The following MAML3 variants were observed in gnomAD, a reference collection of about 807,000 sequenced individuals.
MAML3 encodes the protein mastermind-like protein 3.
A neutral mutation model predicts 101.9 loss-of-function variants in MAML3; 27 were observed. The ratio of observed to expected loss-of-function variants is 0.27; its 90% CI spans 0.20 to 0.37. The LOEUF (loss-of-function observed/expected upper bound fraction) is 0.37. MAML3 is among the 10% of genes least tolerant of loss of function. MAML3 has a pLI of 1.00. For synonymous variants in MAML3, 501 were observed against 555.9 expected (o/e 0.90, Z 1.39); for missense variants, 1,316 against 1,444.9 (o/e 0.91, Z 1.45).
intron 1 of MAML3, among the ~76,000 whole-genome samples, chr4:140,072,751 G>C (rs1727682840): frequency 6.6e-6 from 1 of 152,014 alleles, no homozygotes; most frequent in Non-Finnish European, 1.5e-5. Flanking sequence ...AGGGACTTTA[G>C]CATCCCTGGA....
intron 1 of MAML3, 78 bp downstream of exon 1, chr4:140,152,782 G>C (rs899805478): frequency 1.3e-6 from 2 of 1,551,338 alleles, no homozygotes; most frequent in Non-Finnish European, 1.7e-6. Flanking sequence ...GTACCCCCAT[G>C]TAAGAAGCTC....
chr4:139,874,031 A>T (rs1732062987), intron 2 of MAML3, among the ~76,000 whole-genome samples: 1 of 152,250 alleles, frequency 6.6e-6, no homozygotes, highest in Non-Finnish European at 1.5e-5. Flanking sequence ...ATTTTGGAAT[A>T]TGTGTTTACC....
chr4:140,043,908 T>C (rs1258353051), intron 1 of MAML3, among the ~76,000 whole-genome samples: 2 of 152,304 alleles, frequency 1.3e-5, no homozygotes, highest in South Asian at 4.1e-4. Flanking sequence ...TCACTGTTAA[T>C]ACCAGGAAAA....
intron 2 of MAML3, among the ~76,000 whole-genome samples, chr4:139,780,737 T>C (rs1417490903): frequency 6.6e-6 from 1 of 151,820 alleles, no homozygotes; most frequent in African/African-American, 2.4e-5. Context: ...TTCAAGTGAT[T>C]ATCATGTCTC....
chr4:139,732,576 ATTT>A (rs5862431), intron 2 of MAML3, among the ~76,000 whole-genome samples: 5 of 146,010 alleles, frequency 3.4e-5, no homozygotes, highest in Non-Finnish European at 4.5e-5. Flanking sequence ...CTAGAACGCT[ATTT>A]TTTTTTTTTT....
chr4:140,065,088 T>C (rs186661442), intron 1 of MAML3, among the ~76,000 whole-genome samples: 1 of 152,344 alleles, frequency 6.6e-6, no homozygotes, highest in East Asian at 1.9e-4. Context: ...GTAAAGTCAC[T>C]TGTGGGGTAA....
intron 1 of MAML3, among the ~76,000 whole-genome samples, chr4:139,978,156 C>T (rs928325976): frequency 1.3e-5 from 2 of 152,042 alleles, no homozygotes; most frequent in African/African-American, 2.4e-5. Flanking sequence ...CTCCTTGACT[C>T]GGAAGCAAAT....
In MAML3 at chr4:139,730,805, C is replaced by T; in HGVS notation, c.2080-138G>A. ...GAGGGTTTTTGAGTGGCACGCATTG[C>T]ATTTCCATAAACGTAGCTTCAAACC... On this transcript the variant is annotated intron_variant, in intron 2 of 4. Coordinates refer to ENST00000509479, the MANE Select transcript of MAML3 (RefSeq NM_018717.5). 1.1e-5 allele frequency: 8 copies of T among 738,474 alleles called. No individual in the cohort carries two copies. In the South Asian group the frequency reaches 1.5e-4, roughly 14 times the overall value. The allele number at this position is 738,474 out of a possible 1,614,324, so 45.7% of individuals were successfully genotyped here.
chr4:139,818,446 TA>T (rs1578615566), intron 2 of MAML3, among the ~76,000 whole-genome samples: 1 of 152,252 alleles, frequency 6.6e-6, no homozygotes, highest in Admixed American at 6.5e-5. Flanking sequence ...AAATATTTGC[TA>T]AAGCAGGACT....
At chr4:139,857,029 G>A (rs1229684269) in intron 2 of MAML3, among the ~76,000 whole-genome samples, 1 of 152,122 alleles carries the variant, frequency 6.6e-6, no homozygotes, top group Non-Finnish European at 1.5e-5. Context: ...ATTAGCATAG[G>A]CATAATGAAG....
intron 1 of MAML3, among the ~76,000 whole-genome samples, chr4:139,900,117 T>C (rs555383591): frequency 2.0e-5 from 3 of 152,344 alleles, no homozygotes; most frequent in African/African-American, 7.2e-5. Flanking sequence ...GAGGTTATTT[T>C]TAGAAATGAC....
At chr4:140,046,110 A>G (rs1177854382) in intron 1 of MAML3, among the ~76,000 whole-genome samples, 1 of 152,226 alleles carries the variant, frequency 6.6e-6, no homozygotes, top group African/African-American at 2.4e-5. Flanking sequence ...TTTCAGGCAC[A>G]TGGAAGAGCT....
At chr4:140,060,258 C>A (rs1267945521) in intron 1 of MAML3, among the ~76,000 whole-genome samples, 2 of 150,436 alleles carry the variant, frequency 1.3e-5, no homozygotes, top group Admixed American at 1.3e-4. Context: ...CCCAGCTACT[C>A]AGGAGGCTGA....
chr4:139,843,418 T>A (rs767789268), intron 2 of MAML3, among the ~76,000 whole-genome samples: 6 of 152,132 alleles, frequency 3.9e-5, no homozygotes, highest in Non-Finnish European at 7.4e-5. Context: ...TACTACCTAG[T>A]CCCAATACAG....
At position 139,967,598 on chromosome 4, in the gene MAML3, C is replaced by T. The variant is rs548507224; in HGVS notation, c.469-76631G>A. 4.6e-5 allele frequency among the ~76,000 whole-genome samples: 7 copies of T among 152,010 alleles called. No homozygotes were observed. The East Asian group carries it at 1.4e-3, about 29-fold the overall frequency. The stretch of plus-strand genomic sequence containing the variant: ...CATAAGGCGGTGAGAGAGAGTGTGC[C>T]TCTCCTGCCAGGCCTGAAGAGTTCT... On this transcript the variant is annotated intron_variant, in intron 1 of 4. Coordinates refer to ENST00000509479, the MANE Select transcript of MAML3 (RefSeq NM_018717.5).
At chr4:140,140,376 C>T (rs1411053211) in intron 1 of MAML3, among the ~76,000 whole-genome samples, 1 of 151,960 alleles carries the variant, frequency 6.6e-6, no homozygotes, top group Non-Finnish European at 1.5e-5. Flanking sequence ...CTTAATTTAT[C>T]ATACTGGATG....
intron 1 of MAML3, among the ~76,000 whole-genome samples, chr4:139,996,633 CTAATA>C (rs1194346431): frequency 2.0e-5 from 3 of 151,408 alleles, no homozygotes; most frequent in Admixed American, 1.3e-4. Flanking sequence ...TACTTTTATA[CTAATA>C]TGTTTTGAGT....
At chr4:140,104,924 T>A (rs892182578) in intron 1 of MAML3, among the ~76,000 whole-genome samples, 2 of 152,232 alleles carry the variant, frequency 1.3e-5, no homozygotes, top group Non-Finnish European at 2.9e-5. Flanking sequence ...AGACTGTTAG[T>A]GGCACTGTCC....
intron 2 of MAML3, among the ~76,000 whole-genome samples, chr4:139,755,971 G>A (rs1560784693): frequency 6.6e-6 from 1 of 152,172 alleles, no homozygotes; most frequent in East Asian, 1.9e-4. Context: ...CAGGACTTAC[G>A]TCAAAACACC....
Sources: gnomAD v4.1 joint callset for allele counts (sites outside exome capture counted in the v4.1 genomes callset) on GRCh38, gnomAD v4.1.1 for gene constraint, MANE v1.5 for transcripts, NCBI Gene and HGNC (gene_info 2026-07-23, HGNC 2026-07-21) for gene names.